The following GCN1 variants were observed in gnomAD, a reference collection of about 807,000 sequenced individuals.
The protein encoded by GCN1 is GCN1 activator of EIF2AK4, also known as stalled ribosome sensor GCN1.
GCN1 carries 90 observed loss-of-function variants against 288.4 expected under a neutral mutation model. The observed-to-expected ratio is 0.31, with a 90% confidence interval of 0.26 to 0.37. The LOEUF (loss-of-function observed/expected upper bound fraction) is 0.37, where lower values mean the gene tolerates loss of function less well. GCN1 is among the 10% of genes least tolerant of loss of function. GCN1 has a pLI of 1.00. For synonymous variants in GCN1, 1,386 were observed against 1,420.2 expected (o/e 0.98, Z 0.54); for missense variants, 2,586 against 3,419.9 (o/e 0.76, Z 6.08).
intron 56 of GCN1, 137 bp from the exon 57 acceptor site, chr12:120,129,631 G>A: frequency 1.5e-6 from 1 of 675,592 alleles, no homozygotes; most frequent in South Asian, 1.7e-5. Context: ...GTCCCAGCAT[G>A]ACTCGACCCT....
Position 120,149,786 on chromosome 12 carries a change from G to C in GCN1, c.4432-66C>G, listed in dbSNP as rs140850262. 1.2e-3 allele frequency: 1,864 copies of C among 1,528,542 alleles called. 33 individuals carry two copies. The African/African-American group carries it at 0.023, about 19-fold the overall frequency. 94.7% of individuals were successfully genotyped at this position (1,528,542 alleles called of 1,614,324 possible). On this transcript the variant is annotated intron_variant, in intron 35 of 57. Coordinates refer to ENST00000300648, the MANE Select transcript of GCN1 (RefSeq NM_006836.2). ...AAGCAAGGGGCAAGGCCTGACACCAGTCCTAGCGTTCCTCCTATAACCAAC... is the reference window on the plus strand; with the variant it reads ...AAGCAAGGGGCAAGGCCTGACACCACTCCTAGCGTTCCTCCTATAACCAAC...
intron 5 of GCN1, 79 bp from the exon 6 acceptor site, chr12:120,179,029 C>T: frequency 1.7e-6 from 2 of 1,150,816 alleles, no homozygotes; most frequent in African/African-American, 1.5e-5. Flanking sequence ...CTGTAAAGAC[C>T]TCCATCAGAC....
intron 22 of GCN1, 173 bp from the exon 23 acceptor site, chr12:120,160,428 C>T: frequency 1.7e-6 from 1 of 599,608 alleles, no homozygotes. Flanking sequence ...CCACAGCCAC[C>T]TGGTTTCTAT....
chr12:120,149,819 G>A, intron 35 of GCN1, 99 bp from the exon 36 acceptor site: 1 of 1,536,212 alleles, frequency 6.5e-7, no homozygotes, highest in Non-Finnish European at 9.0e-7. Flanking sequence ...AACGCTTACT[G>A]GGGTTCTATT....
At chr12:120,149,097 T>TGGGG (rs11407805) in intron 36 of GCN1, among the ~76,000 whole-genome samples, 1 of 150,914 alleles carries the variant, frequency 6.6e-6, no homozygotes, top group African/African-American at 2.4e-5. Flanking sequence ...AGAGCTTTCC[T>TGGGG]GGGGGGGGAA....
chr12:120,175,305 G>T, intron 11 of GCN1, 93 bp from the exon 12 acceptor site: 1 of 1,151,488 alleles, frequency 8.7e-7, no homozygotes, highest in Non-Finnish European at 1.3e-6. Flanking sequence ...CCACGATACG[G>T]TTTCTGATTC....
intron 9 of GCN1, 126 bp from the exon 10 acceptor site, chr12:120,176,343 A>C: frequency 3.0e-6 from 2 of 661,656 alleles, no homozygotes; most frequent in East Asian, 5.3e-5. Context: ...TACAGGCTAC[A>C]TGAGTAGTCC....
intron 53 of GCN1, among the ~76,000 whole-genome samples, chr12:120,132,387 G>C (rs1876856056): frequency 1.3e-5 from 2 of 152,116 alleles, no homozygotes; most frequent in Admixed American, 1.3e-4. Flanking sequence ...AGCCCTGTGA[G>C]GCAGGGAGGG....
chr12:120,188,646 G>A (rs950251478), intron 2 of GCN1, among the ~76,000 whole-genome samples: 2 of 151,860 alleles, frequency 1.3e-5, no homozygotes, highest in Non-Finnish European at 2.9e-5. Flanking sequence ...TCAGGAGATC[G>A]AGACCATCCT....
chr12:120,172,947 G>T (rs1878356385), intron 14 of GCN1, among the ~76,000 whole-genome samples: 1 of 152,096 alleles, frequency 6.6e-6, no homozygotes, highest in African/African-American at 2.4e-5. Flanking sequence ...GTTTCCCCCA[G>T]CTCTGCTTGC....
At chr12:120,143,895 GA>G (rs1877276805) in intron 42 of GCN1, among the ~76,000 whole-genome samples, 1 of 152,238 alleles carries the variant, frequency 6.6e-6, no homozygotes, top group South Asian at 2.1e-4. Context: ...CAAGGGTCTG[GA>G]AAAAGTTGAG....
In GCN1 at chr12:120,129,367, T is replaced by C. The variant is rs767438500; in HGVS notation, c.7799A>G (p.Asn2600Ser). The change falls in exon 57 of 58, where the codon AAC becomes AGC. Residue 2600 changes from asparagine (N) to serine (S), a missense_variant. Transcript: ENST00000300648. Reference protein sequence around the residue: ...IKPILKALLDNTKDKNTVVRA... With the variant: ...IKPILKALLDSTKDKNTVVRA... The stretch of plus-strand genomic sequence containing the variant: ...GACCACGGTGTTCTTATCCTTGGTG[T>C]TGTCAAGAAGAGCCTTCAGGATGGG... 6.2e-7 allele frequency: 1 copy of C among 1,614,076 alleles called. No homozygotes were observed. Among genetic ancestry groups the C allele is most frequent in the East Asian group, 2.2e-5 (1 of 44,880 alleles).
chr12:120,149,758 C>T lies in GCN1; in HGVS notation c.4432-38G>A, dbSNP rs191149561. On this transcript the variant is annotated intron_variant, in intron 35 of 57. Coordinates refer to ENST00000300648, the MANE Select transcript of GCN1 (RefSeq NM_006836.2). Reference sequence around the variant, plus strand: ...GAAAACACATTCAGGGGCCTCCTCACCCAAGCAAGGGGCAAGGCCTGACAC... The same window carrying T: ...GAAAACACATTCAGGGGCCTCCTCATCCAAGCAAGGGGCAAGGCCTGACAC... The T allele has an allele frequency of 3.9e-5, 61 of 1,576,504 alleles. No homozygotes were observed. The African/African-American group carries it at 7.1e-4, about 18-fold the overall frequency.
rs756997710 is a variant in GCN1, at chr12:120,129,391, G to A, written c.7775C>T (p.Pro2592Leu). 1.2e-6 allele frequency: 2 copies of A among 1,613,756 alleles called. No homozygotes were observed. The highest frequency in any genetic ancestry group is 3.3e-5 in the Admixed American group (2 of 60,024). ...GTTGTCAAGAAGAGCCTTCAGGATG[G>A]GCTTGATGGCCTGGGGGTCCAGGGG... ...LPPLDPQAIKPILKALLDNTK... is the reference protein window; with the variant it reads ...LPPLDPQAIKLILKALLDNTK... Residue 2592 changes from proline to leucine, a missense_variant, in exon 57 of 58, where the codon CCC becomes CTC. By Grantham distance (98) the Pro-to-Leu change is moderately conservative. This residue lies in a region of GCN1 where 355 missense variants were observed against 431.1 expected (regional missense o/e 0.82). Coordinates refer to ENST00000300648, the MANE Select transcript of GCN1 (RefSeq NM_006836.2).
At chr12:120,151,120 C>T (rs1877537840) in intron 34 of GCN1, 25 bp downstream of exon 34, 1 of 1,606,136 alleles carries the variant, frequency 6.2e-7, no homozygotes. Flanking sequence ...CCATGCTGGG[C>T]AGCCCCAAGC....
intron 17 of GCN1, 33 bp from the exon 18 acceptor site, chr12:120,164,528 A>G (rs777594458): frequency 4.3e-6 from 7 of 1,610,414 alleles, no homozygotes; most frequent in Non-Finnish European, 5.1e-6. Context: ...GTCTGGGGGA[A>G]GGCCAAGAGC....
At chr12:120,145,437 G>C (rs1000416589) in intron 38 of GCN1, 107 bp from the exon 39 acceptor site, 16 of 790,776 alleles carry the variant, frequency 2.0e-5, no homozygotes, top group African/African-American at 3.5e-5. Context: ...GGAGTGCTTG[G>C]CAGGGGCACC....
chr12:120,190,106 C>T (rs1334247383), intron 2 of GCN1, among the ~76,000 whole-genome samples, 192 bp downstream of exon 2: 1 of 151,854 alleles, frequency 6.6e-6, no homozygotes, highest in African/African-American at 2.4e-5. Flanking sequence ...CACCTGTAAT[C>T]CCAGCTACTC....
Position 120,131,511 on chromosome 12 carries a change from A to C in GCN1, c.7415-178T>G, listed in dbSNP as rs943340705. Reference sequence around the variant, plus strand: ...CTTGGCAGAAGCTCCCCAAAGTGGCACATTAAGGAAAGTAAGGAAAGCCTG... The same window carrying C: ...CTTGGCAGAAGCTCCCCAAAGTGGCCCATTAAGGAAAGTAAGGAAAGCCTG... On this transcript the variant is annotated intron_variant, in intron 54 of 57. Transcript: ENST00000300648. Among the ~76,000 whole-genome samples the C allele has an allele frequency of 2.0e-4, 30 of 152,254 alleles. 1 individual carries two copies. Among genetic ancestry groups the C allele is most frequent in the Admixed American group, 1.8e-3 (28 of 15,292 alleles).
Sources: allele counts gnomAD v4.1 joint callset (sites outside exome capture counted in the v4.1 genomes callset), GRCh38; gene constraint gnomAD v4.1.1; regional missense constraint gnomAD v4.1.1; transcripts MANE v1.5; gene names NCBI Gene and HGNC (gene_info 2026-07-23, HGNC 2026-07-21).